The following KIAA0825 variants were observed in gnomAD, a reference collection of about 807,000 sequenced individuals.
KIAA0825 encodes the protein KIAA0825.
In KIAA0825, 119 loss-of-function variants were observed where a neutral mutation model predicts 147.6. That is an observed-to-expected ratio of 0.81 (90% CI 0.69 to 0.94). The LOEUF (loss-of-function observed/expected upper bound fraction) is 0.94, where lower values mean the gene tolerates loss of function less well. KIAA0825 is among the 40% of genes least tolerant of loss of function. The probability of loss-of-function intolerance (pLI) is 0.00; values close to 1 mark genes in which losing one functional copy is unlikely to be tolerated. For missense variants in KIAA0825, 1,381 were observed against 1,472.7 expected (o/e 0.94, Z 1.02); for synonymous variants, 470 against 518.1 (o/e 0.91, Z 1.26).
intron 20 of KIAA0825, among the ~76,000 whole-genome samples, chr5:94,294,553 C>T (rs1167351450): frequency 6.6e-6 from 1 of 152,140 alleles, no homozygotes; most frequent in Non-Finnish European, 1.5e-5. Flanking sequence ...TGGTGAAACC[C>T]TGTTTCTACT....
At chr5:94,488,772 C>T (rs748879356) in intron 5 of KIAA0825, among the ~76,000 whole-genome samples, 4 of 152,122 alleles carry the variant, frequency 2.6e-5, no homozygotes, top group South Asian at 2.1e-4. Flanking sequence ...AAGGGTTCTA[C>T]GACCAAATAA....
At chr5:94,364,427 G>T (rs562403159) in intron 20 of KIAA0825, among the ~76,000 whole-genome samples, 2 of 151,992 alleles carry the variant, frequency 1.3e-5, no homozygotes, top group South Asian at 4.2e-4. Flanking sequence ...TGTCGCCCAG[G>T]CTGGAGTGCA....
intron 20 of KIAA0825, among the ~76,000 whole-genome samples, chr5:94,268,639 A>G (rs1776844134): frequency 6.6e-6 from 1 of 152,146 alleles, no homozygotes; most frequent in African/African-American, 2.4e-5. Context: ...AATGTATTCT[A>G]TGAGAAAAGG....
At chr5:94,210,383 T>C (rs545422227) in intron 20 of KIAA0825, among the ~76,000 whole-genome samples, 1 of 152,298 alleles carries the variant, frequency 6.6e-6, no homozygotes, top group African/African-American at 2.4e-5. Flanking sequence ...TGATGCTGCA[T>C]ACCTTTAAGC....
chr5:94,302,351 T>G (rs1387207130), intron 20 of KIAA0825, among the ~76,000 whole-genome samples: 1 of 152,138 alleles, frequency 6.6e-6, no homozygotes, highest in Admixed American at 6.6e-5. Flanking sequence ...TGTAATACTT[T>G]GCTTGGTTGA....
At chr5:94,417,813 G>C (rs1199500378) in intron 14 of KIAA0825, among the ~76,000 whole-genome samples, 1 of 152,064 alleles carries the variant, frequency 6.6e-6, no homozygotes, top group Non-Finnish European at 1.5e-5. Context: ...AGTTTTTCCA[G>C]AATTATGCTA....
chr5:94,581,050 G>A (rs1231600354), intron 2 of KIAA0825, among the ~76,000 whole-genome samples: 1 of 152,008 alleles, frequency 6.6e-6, no homozygotes, highest in East Asian at 1.9e-4. Context: ...TAGTTTCCAA[G>A]GCAGGGCTTA....
At chr5:94,220,809 A>G (rs958477987) in intron 20 of KIAA0825, among the ~76,000 whole-genome samples, 10 of 152,158 alleles carry the variant, frequency 6.6e-5, no homozygotes, top group African/African-American at 1.9e-4. Flanking sequence ...TATACATTCC[A>G]TGTACATGGT....
chr5:94,613,101 A>G (rs1789349041), intron 1 of KIAA0825, among the ~76,000 whole-genome samples: 1 of 152,236 alleles, frequency 6.6e-6, no homozygotes. Flanking sequence ...TAATTAGTCA[A>G]AATGACATTG....
At chr5:94,371,045 C>G (rs900603552) in intron 20 of KIAA0825, among the ~76,000 whole-genome samples, 8 of 152,012 alleles carry the variant, frequency 5.3e-5, no homozygotes, top group African/African-American at 1.9e-4. Flanking sequence ...GATTCAGGAG[C>G]TGGTGGGGGA....
chr5:94,489,929 G>T (rs919094905), intron 5 of KIAA0825, among the ~76,000 whole-genome samples: 2 of 150,626 alleles, frequency 1.3e-5, no homozygotes, highest in African/African-American at 4.9e-5. Flanking sequence ...AGTCTAACTA[G>T]TAGCTAGAAA....
At chr5:94,175,770 T>C (rs1394575900) in intron 20 of KIAA0825, among the ~76,000 whole-genome samples, 6 of 152,184 alleles carry the variant, frequency 3.9e-5, no homozygotes, top group African/African-American at 1.4e-4. Flanking sequence ...TAGGGAAATA[T>C]CTAGGAAGCA....
intron 1 of KIAA0825, chr5:94,592,990 C>A: frequency 1.7e-6 from 1 of 602,382 alleles, no homozygotes; most frequent in East Asian, 3.1e-5. Flanking sequence ...ATTTAATATA[C>A]TTTGGAAGCT....
chr5:94,589,661 C>T (rs1269307822), intron 1 of KIAA0825, among the ~76,000 whole-genome samples: 1 of 151,956 alleles, frequency 6.6e-6, no homozygotes, highest in Non-Finnish European at 1.5e-5. Context: ...TTGATTATAT[C>T]TCCTTGCAAA....
intron 1 of KIAA0825, chr5:94,594,296 T>C (rs1784873876): frequency 1.6e-6 from 1 of 642,744 alleles, no homozygotes; most frequent in African/African-American, 1.8e-5. Context: ...TCCCATGGTT[T>C]CTCGACTGCT....
intron 1 of KIAA0825, among the ~76,000 whole-genome samples, chr5:94,584,226 A>G (rs537164384): frequency 3.3e-5 from 5 of 152,204 alleles, no homozygotes; most frequent in Non-Finnish European, 7.3e-5. Context: ...GAAGGTTGGT[A>G]ATAACAAACT....
chr5:94,608,489 AT>A (rs1212618722), intron 1 of KIAA0825, among the ~76,000 whole-genome samples: 1 of 35,188 alleles, frequency 2.8e-5, no homozygotes, highest in African/African-American at 1.4e-4. Flanking sequence ...ATATATATAT[AT>A]AATTATATAT....
intron 20 of KIAA0825, among the ~76,000 whole-genome samples, chr5:94,167,353 G>T (rs932085490): frequency 1.3e-5 from 2 of 152,104 alleles, no homozygotes; most frequent in African/African-American, 4.8e-5. Flanking sequence ...TAAAATTTCT[G>T]TATAGGTTGT....
intron 5 of KIAA0825, among the ~76,000 whole-genome samples, chr5:94,513,740 TAC>T (rs1210743082): frequency 6.6e-6 from 1 of 151,702 alleles, no homozygotes; most frequent in Non-Finnish European, 1.5e-5. Flanking sequence ...GCACATAAAA[TAC>T]ACCCTCCCCT....
Sources: gnomAD v4.1 joint callset for allele counts (sites outside exome capture counted in the v4.1 genomes callset) on GRCh38, gnomAD v4.1.1 for gene constraint, MANE v1.5 for transcripts, NCBI Gene and HGNC (gene_info 2026-07-23, HGNC 2026-07-21) for gene names.